Variants in CNTNAP5 observed in about 807,000 individuals in gnomAD.
CNTNAP5 encodes the protein contactin-associated protein-like 5.
Under a neutral mutation model 150.2 loss-of-function variants are expected in CNTNAP5, and 72 were observed. The observed-to-expected ratio is 0.48, with a 90% CI of 0.40 to 0.58. The LOEUF (loss-of-function observed/expected upper bound fraction) is 0.58, where lower values mean the gene tolerates loss of function less well. CNTNAP5 is among the 20% of genes least tolerant of loss of function. The pLI is 0.00. For synonymous variants in CNTNAP5, 672 were observed against 619.8 expected (o/e 1.08, Z -1.25); for missense variants, 1,636 against 1,626.2 (o/e 1.01, Z -0.10).
At chr2:124,203,214 A>G (rs1385115140) in intron 1 of CNTNAP5, among the ~76,000 whole-genome samples, 1 of 152,194 alleles carries the variant, frequency 6.6e-6, no homozygotes, top group Non-Finnish European at 1.5e-5. Context: ...ATCAAATCGT[A>G]AAACTTCAAA....
At chr2:124,905,126 GTTTTTTTTT>G (rs55885763) in intron 22 of CNTNAP5, among the ~76,000 whole-genome samples, 1 of 126,988 alleles carries the variant, frequency 7.9e-6, no homozygotes, top group Non-Finnish European at 1.6e-5. Context: ...GTTTTTTTTT[GTTTTTTTTT>G]TTTTCCACAA....
intron 13 of CNTNAP5, among the ~76,000 whole-genome samples, chr2:124,731,697 G>A (rs545386817): frequency 6.6e-6 from 1 of 151,870 alleles, no homozygotes; most frequent in South Asian, 2.1e-4. Context: ...AAATCATATA[G>A]GTGTTTATGT....
intron 10 of CNTNAP5, among the ~76,000 whole-genome samples, chr2:124,560,823 AT>A (rs1489094043): frequency 6.6e-6 from 1 of 152,014 alleles, no homozygotes; most frequent in Non-Finnish European, 1.5e-5. Context: ...ATGTCAGCAT[AT>A]TTTTTGTTTA....
intron 1 of CNTNAP5, among the ~76,000 whole-genome samples, chr2:124,195,046 T>TAAA (rs11386942): frequency 2.0e-5 from 3 of 149,348 alleles, no homozygotes; most frequent in Non-Finnish European, 4.5e-5. Context: ...CAGAATTAAA[T>TAAA]AAAAAAAAAA....
chr2:124,415,634 A>C (rs1270649616), intron 3 of CNTNAP5, among the ~76,000 whole-genome samples: 1 of 152,180 alleles, frequency 6.6e-6, no homozygotes, highest in African/African-American at 2.4e-5. Context: ...TTATCTATGA[A>C]TATTAGAAGG....
At chr2:124,501,490 G>A (rs190999349) in intron 7 of CNTNAP5, among the ~76,000 whole-genome samples, 188 of 152,268 alleles carry the variant, frequency 1.2e-3, no homozygotes, top group Admixed American at 3.7e-3. Context: ...TGTCTCCTTT[G>A]ACACAATTCT....
At position 124,200,548 on chromosome 2, in the gene CNTNAP5, A is replaced by G. The variant is rs562626377; in HGVS notation, c.83-21157A>G. On this transcript the variant is annotated intron_variant, in intron 1 of 23. Coordinates refer to ENST00000682447, the MANE Select transcript of CNTNAP5 (RefSeq NM_001367498.1). The stretch of plus-strand genomic sequence containing the variant: ...ATTGTGGTAAAAAAAAACACTTAAC[A>G]TGAGATTTACTCTTTTAACAAATTT... Among the ~76,000 whole-genome samples the G allele has an allele frequency of 1.2e-4, 18 of 152,306 alleles. 1 individual carries two copies. The South Asian group carries it at 3.7e-3, about 32-fold the overall frequency.
At position 124,386,683 on chromosome 2, in the gene CNTNAP5, G is replaced by T. The variant is rs115036096; in HGVS notation, c.382-30760G>T. Among the ~76,000 whole-genome samples, 820 of 152,128 alleles carry T rather than the reference G, an allele frequency of 5.4e-3. 5 individuals carry two copies. The highest frequency in any genetic ancestry group is 0.017 in the Middle Eastern group (5 of 294). On this transcript the variant is annotated intron_variant, in intron 3 of 23. Transcript: ENST00000682447. ...ACACTTTGACAGTCTATTTCCATAT[G>T]GCACACCTCAGTGCCTTCAGTGTTC...
chr2:124,316,382 G>A (rs2104663404), intron 3 of CNTNAP5, among the ~76,000 whole-genome samples: 1 of 152,282 alleles, frequency 6.6e-6, no homozygotes, highest in East Asian at 1.9e-4. Context: ...TAGCACATGA[G>A]TGAATTGGTG....
chr2:124,085,590 G>A (rs2104680121), intron 1 of CNTNAP5, among the ~76,000 whole-genome samples: 1 of 152,024 alleles, frequency 6.6e-6, no homozygotes, highest in South Asian at 2.1e-4. Context: ...AAGTTCTTGA[G>A]CTTGCAGCTT....
chr2:124,475,200 T>C (rs1360194674), intron 7 of CNTNAP5, among the ~76,000 whole-genome samples: 2 of 152,080 alleles, frequency 1.3e-5, no homozygotes, highest in Non-Finnish European at 2.9e-5. Flanking sequence ...CTCTGGAATA[T>C]GAAACAAGAA....
rs373273844 is a variant in CNTNAP5, at chr2:124,462,943, G to A, written c.919-11796G>A. ...AGGAAGGCAGATGAGGGACGAGAAC[G>A]GTGAAGACCCTTGAAGGACTATCAG... is the stretch of plus-strand genomic sequence containing the variant. On this transcript the variant is annotated intron_variant, in intron 6 of 23. Coordinates refer to ENST00000682447, the MANE Select transcript of CNTNAP5 (RefSeq NM_001367498.1). Among the ~76,000 whole-genome samples the A allele has an allele frequency of 5.9e-4, 90 of 152,186 alleles. 1 individual carries two copies. Among genetic ancestry groups the A allele is most frequent in the Non-Finnish European group, 6.9e-4 (47 of 68,038 alleles).
intron 1 of CNTNAP5, among the ~76,000 whole-genome samples, chr2:124,190,546 C>T (rs1473821149): frequency 6.6e-6 from 1 of 152,082 alleles, no homozygotes; most frequent in Non-Finnish European, 1.5e-5. Flanking sequence ...CCTGGTATTT[C>T]AATTAATTAA....
intron 19 of CNTNAP5, among the ~76,000 whole-genome samples, chr2:124,802,967 T>G (rs557865568): frequency 6.6e-6 from 1 of 151,992 alleles, no homozygotes; most frequent in South Asian, 2.1e-4. Flanking sequence ...TACAAAAAAT[T>G]AGCCAGGCAT....
At chr2:124,792,047 T>C (rs918976999) in intron 18 of CNTNAP5, among the ~76,000 whole-genome samples, 6 of 152,136 alleles carry the variant, frequency 3.9e-5, no homozygotes, top group African/African-American at 9.7e-5. Context: ...GGCTACAAGA[T>C]GGTTCTGAAC....
At chr2:124,604,686 A>C (rs900813000) in intron 11 of CNTNAP5, among the ~76,000 whole-genome samples, 1 of 152,182 alleles carries the variant, frequency 6.6e-6, no homozygotes, top group Non-Finnish European at 1.5e-5. Flanking sequence ...GTCTTTGGGC[A>C]AAGTACTTAT....
In CNTNAP5 at chr2:124,886,644, T is replaced by G. The variant is rs377700941; in HGVS notation, c.3437-16238T>G. Among the ~76,000 whole-genome samples the G allele has an allele frequency of 1.1e-4, 16 of 152,186 alleles. 1 individual carries two copies. Among genetic ancestry groups the G allele is most frequent in the African/African-American group, 3.6e-4 (15 of 41,526 alleles). ...GGCTGCAAGCAAACCTACTTTTCAGTAGGTGATGAAAAAGAAATTGAGCTT... is the reference window on the plus strand; with the variant it reads ...GGCTGCAAGCAAACCTACTTTTCAGGAGGTGATGAAAAAGAAATTGAGCTT... On this transcript the variant is annotated intron_variant, in intron 21 of 23. Coordinates refer to ENST00000682447, the MANE Select transcript of CNTNAP5 (RefSeq NM_001367498.1).
intron 13 of CNTNAP5, among the ~76,000 whole-genome samples, chr2:124,663,786 G>A (rs886494621): frequency 2.6e-5 from 4 of 152,082 alleles, no homozygotes; most frequent in African/African-American, 9.7e-5. Context: ...TGAAAAACAA[G>A]AGTCCATGAT....
At chr2:124,884,999 T>G (rs1212208056) in intron 21 of CNTNAP5, among the ~76,000 whole-genome samples, 1 of 152,042 alleles carries the variant, frequency 6.6e-6, no homozygotes, top group Non-Finnish European at 1.5e-5. Context: ...TAGAACCCAC[T>G]CATATCAGTC....
Sources: allele counts gnomAD v4.1 joint callset (sites outside exome capture counted in the v4.1 genomes callset), GRCh38; gene constraint gnomAD v4.1.1; transcripts MANE v1.5; gene names NCBI Gene and HGNC (gene_info 2026-07-23, HGNC 2026-07-21).